DNAJC10: variants seen among roughly 807,000 people sequenced by gnomAD.
DNAJC10 encodes endoplasmic reticulum disulfide reductase DNAJC10.
DNAJC10 carries 101 observed loss-of-function variants against 115.0 expected under a neutral mutation model. The ratio of observed to expected loss-of-function variants is 0.88; its 90% confidence interval spans 0.75 to 1.04. The LOEUF is 1.04. Among genes scored for constraint, DNAJC10 ranks in the 50% least tolerant of loss-of-function variants. The pLI is 0.00. For synonymous variants in DNAJC10, 307 were observed against 301.5 expected (o/e 1.02, Z -0.19); for missense variants, 981 against 928.8 (o/e 1.06, Z -0.73).
chr2:182,747,898 T>C (rs1436817128), intron 14 of DNAJC10, among the ~76,000 whole-genome samples: 66 of 151,434 alleles, frequency 4.4e-4, no homozygotes, highest in African/African-American at 1.5e-3. Context: ...TTTTGAGATA[T>C]GTCCCATCAA....
In DNAJC10 at chr2:182,755,059, G is replaced by T. The variant is rs768069685; in HGVS notation, c.1608G>T (p.Glu536Asp). 1.2e-6 allele frequency: 2 copies of T among 1,610,216 alleles called. No individual in the cohort carries two copies. Among genetic ancestry groups the T allele is most frequent in the African/African-American group, 2.7e-5 (2 of 74,876 alleles). Residue 536 changes from glutamate to aspartate, a missense_variant, in exon 17 of 24, where the codon GAG (glutamate) becomes GAT (aspartate). By Grantham distance (45) the Glu-to-Asp change is conservative. Transcript: ENST00000264065. ...TVVFNQSNIH[E>D]YEGHHSAEQI... ...TATTCAACCAGTCCAACATTCATGA[G>T]TATGAAGGACATCACTCTGCTGAAC...
In DNAJC10 at chr2:182,793,769, C is replaced by G. The variant is rs1695092840; in HGVS notation, c.*16637C>G. Reference sequence around the variant, plus strand: ...CTGGAGACAGCCTCAGGCCAAGGTCCTCTTGCTTATTTAATTTAGCAATCC... The same window carrying G: ...CTGGAGACAGCCTCAGGCCAAGGTCGTCTTGCTTATTTAATTTAGCAATCC... On this transcript the variant is annotated 3_prime_UTR_variant, in exon 24 of 24. Coordinates refer to ENST00000264065, the MANE Select transcript of DNAJC10 (RefSeq NM_018981.4). The G allele has an allele frequency of 6.6e-6, 1 of 150,884 alleles. No homozygotes were observed. Among genetic ancestry groups the G allele is most frequent in the South Asian group, 2.1e-4 (1 of 4,780 alleles). 9.3% of individuals were successfully genotyped at this position (150,884 alleles called of 1,614,324 possible). A position where few individuals can be genotyped will look rare whatever the true frequency, so the allele number is the denominator to read the frequency against.
Position 182,791,832 on chromosome 2 carries a change from TGGA to T in DNAJC10, c.*14701_*14703del, listed in dbSNP as rs1387153538. Reference sequence around the variant, plus strand: ...AGTTATCGTTTAATTAATTGCAATATGGAAATAGATACTAAAAAATCTAAATTG... The same window carrying T: ...AGTTATCGTTTAATTAATTGCAATATAATAGATACTAAAAAATCTAAATTG... On this transcript the variant is annotated 3_prime_UTR_variant, in exon 24 of 24. Coordinates refer to ENST00000264065, the MANE Select transcript of DNAJC10 (RefSeq NM_018981.4). 2 of 152,192 alleles carry T rather than the reference TGGA, an allele frequency of 1.3e-5. No homozygotes were observed. The highest frequency in any genetic ancestry group is 4.8e-5 in the African/African-American group (2 of 41,462). 9.4% of individuals were successfully genotyped at this position (152,192 alleles called of 1,614,324 possible).
intron 21 of DNAJC10, among the ~76,000 whole-genome samples, chr2:182,759,953 G>A (rs997187762): frequency 6.6e-6 from 1 of 152,076 alleles, no homozygotes. Flanking sequence ...TGTTGTTCAA[G>A]AGTCATCTAT....
At chr2:182,747,094 C>CT (rs1345710239) in intron 14 of DNAJC10, among the ~76,000 whole-genome samples, 1 of 152,082 alleles carries the variant, frequency 6.6e-6, no homozygotes, top group Non-Finnish European at 1.5e-5. Flanking sequence ...ATCTATATCT[C>CT]TGTTTTGGTA....
intron 16 of DNAJC10, among the ~76,000 whole-genome samples, chr2:182,753,514 C>G (rs1212594109): frequency 6.6e-6 from 1 of 151,356 alleles, no homozygotes; most frequent in East Asian, 1.9e-4. Context: ...GAAAGAAATG[C>G]CAACCAAAGA....
intron 5 of DNAJC10, among the ~76,000 whole-genome samples, chr2:182,724,481 A>T (rs1013773228): frequency 6.6e-5 from 10 of 152,214 alleles, no homozygotes; most frequent in African/African-American, 2.4e-4. Flanking sequence ...TTTTAAAATA[A>T]AAATTTCAGA....
intron 14 of DNAJC10, among the ~76,000 whole-genome samples, chr2:182,748,311 C>G (rs1186186432): frequency 3.9e-5 from 6 of 152,178 alleles, no homozygotes; most frequent in East Asian, 1.9e-4. Context: ...AATGGTACCA[C>G]TTCCTCCTTG....
At position 182,718,231 on chromosome 2, in the gene DNAJC10, A is replaced by G; in HGVS notation, c.145A>G (p.Arg49Gly). The part of the protein sequence containing the change: ...LLGVSKTASS[R>G]EIRQAFKKLA... Reference sequence around the variant, plus strand: ...TGGAGTGTCCAAAACTGCAAGCAGTAGAGAAATAAGACAAGCTTTCAAGAA... The same window carrying G: ...TGGAGTGTCCAAAACTGCAAGCAGTGGAGAAATAAGACAAGCTTTCAAGAA... Residue 49 changes from arginine to glycine, a missense_variant, in exon 3 of 24, where the codon AGA becomes GGA. Coordinates refer to ENST00000264065, the MANE Select transcript of DNAJC10 (RefSeq NM_018981.4). 1 of 1,613,220 alleles carries G rather than the reference A, an allele frequency of 6.2e-7. No individual in the cohort carries two copies. The highest frequency in any genetic ancestry group is 8.5e-7 in the Non-Finnish European group (1 of 1,179,730).
intron 10 of DNAJC10, among the ~76,000 whole-genome samples, chr2:182,734,059 T>C (rs1693523349): frequency 6.7e-6 from 1 of 149,012 alleles, no homozygotes; most frequent in South Asian, 2.1e-4. Flanking sequence ...TATAAGTCTT[T>C]TCAAAGTCTC....
chr2:182,736,131 G>A (rs1250080654), intron 10 of DNAJC10, 118 bp from the exon 11 acceptor site: 1 of 822,968 alleles, frequency 1.2e-6, no homozygotes, highest in African/African-American at 1.8e-5. Flanking sequence ...GTAGAACTAA[G>A]GCATGAAGTT....
intron 12 of DNAJC10, among the ~76,000 whole-genome samples, chr2:182,740,991 G>GT (rs1255623670): frequency 6.6e-6 from 1 of 152,060 alleles, no homozygotes; most frequent in Non-Finnish European, 1.5e-5. Flanking sequence ...TTAAAATCAT[G>GT]TATTTGTTTT....
chr2:182,720,155 A>G lies in DNAJC10; in HGVS notation c.353A>G (p.Tyr118Cys). 6.2e-7 allele frequency: 1 copy of G among 1,607,564 alleles called. No individual in the cohort carries two copies. Among genetic ancestry groups the G allele is most frequent in the Non-Finnish European group, 8.5e-7 (1 of 1,177,916 alleles). ...GGCCAGTATGAAAGCTGGAACTATT[A>G]TCGTTATGATTTTGGTAAGGTGATA... ...QGGQYESWNY[Y>C]RYDFGIYDDD... Residue 118 changes from tyrosine to cysteine, a missense_variant, in exon 4 of 24, where the codon TAT becomes TGT. By Grantham distance (194) the Tyr-to-Cys change is radical. Transcript: ENST00000264065.
At chr2:182,740,272 G>T (rs1452850162) in intron 11 of DNAJC10, 27 bp from the exon 12 acceptor site, 2 of 1,338,762 alleles carry the variant, frequency 1.5e-6, no homozygotes, top group Non-Finnish European at 2.0e-6. Context: ...TATTCAAAAA[G>T]ATTACAATGT....
At chr2:182,764,978 A>G (rs1269220261) in intron 22 of DNAJC10, among the ~76,000 whole-genome samples, 1 of 152,160 alleles carries the variant, frequency 6.6e-6, no homozygotes, top group African/African-American at 2.4e-5. Context: ...TCATTATCAA[A>G]CAGAGGCTCT....
intron 22 of DNAJC10, among the ~76,000 whole-genome samples, chr2:182,774,746 A>G (rs1694658846): frequency 6.6e-6 from 1 of 152,200 alleles, no homozygotes; most frequent in South Asian, 2.1e-4. Context: ...TTTTTCAGGT[A>G]GTCTGTCACG....
At chr2:182,767,726 AG>A (rs1392696078) in intron 22 of DNAJC10, among the ~76,000 whole-genome samples, 1 of 152,172 alleles carries the variant, frequency 6.6e-6, no homozygotes, top group Non-Finnish European at 1.5e-5. Context: ...CCGTCCACCA[AG>A]TATTTATTGA....
At chr2:182,730,344 G>C (rs1693411841) in intron 8 of DNAJC10, among the ~76,000 whole-genome samples, 1 of 152,052 alleles carries the variant, frequency 6.6e-6, no homozygotes, top group South Asian at 2.1e-4. Context: ...CTGCCTTTAG[G>C]CAGATTAAGC....
At chr2:182,738,117 G>A (rs968078535) in intron 11 of DNAJC10, among the ~76,000 whole-genome samples, 1 of 152,152 alleles carries the variant, frequency 6.6e-6, no homozygotes, top group Non-Finnish European at 1.5e-5. Flanking sequence ...TGGATGGTAA[G>A]TCACTGACTA....
Sources: allele counts gnomAD v4.1 joint callset (sites outside exome capture counted in the v4.1 genomes callset), GRCh38; gene constraint gnomAD v4.1.1; transcripts MANE v1.5; gene names NCBI Gene and HGNC (gene_info 2026-07-23, HGNC 2026-07-21).